The following NTRK2 variants were observed in gnomAD, a reference collection of about 807,000 sequenced individuals.
NTRK2 encodes neurotrophic receptor tyrosine kinase 2.
Under a neutral mutation model 94.5 loss-of-function variants are expected in NTRK2, and 13 were observed. The observed-to-expected ratio is 0.14, with a 90% CI of 0.09 to 0.22. The LOEUF is 0.22. Ranked by LOEUF, NTRK2 falls within the 10% of genes least tolerant of loss-of-function variation. NTRK2 has a pLI of 1.00. For synonymous variants in NTRK2, 372 were observed against 407.4 expected, an observed-to-expected ratio of 0.91 and a Z score of 1.05; for missense variants, 639 against 1,071.2, an observed-to-expected ratio of 0.60 and a Z score of 5.63.
intron 12 of NTRK2, among the ~76,000 whole-genome samples, chr9:84,797,694 AT>A (rs2069646027): frequency 1.2e-5 from 1 of 84,262 alleles, no homozygotes; most frequent in African/African-American, 5.1e-5. Flanking sequence ...TATAATATAT[AT>A]ATTATATATA....
intron 15 of NTRK2, among the ~76,000 whole-genome samples, chr9:84,942,706 T>G (rs576492509): frequency 6.6e-6 from 1 of 152,232 alleles, no homozygotes; most frequent in Non-Finnish European, 1.5e-5. Context: ...CAATGTATTA[T>G]TAATATAAAA....
chr9:84,863,526 C>T (rs991158041), intron 13 of NTRK2, among the ~76,000 whole-genome samples: 1 of 152,142 alleles, frequency 6.6e-6, no homozygotes, highest in Non-Finnish European at 1.5e-5. Context: ...TTTCATGGTG[C>T]CTGCTCAAAC....
intron 9 of NTRK2, among the ~76,000 whole-genome samples, chr9:84,729,591 C>T (rs1044057630): frequency 5.3e-5 from 8 of 152,298 alleles, no homozygotes; most frequent in African/African-American, 1.9e-4. Flanking sequence ...TAGTATAGAG[C>T]GTTCACAGCC....
At chr9:85,019,240 G>C (rs927052774) in intron 17 of NTRK2, among the ~76,000 whole-genome samples, 7 of 152,164 alleles carry the variant, frequency 4.6e-5, no homozygotes, top group Non-Finnish European at 8.8e-5. Context: ...TTGTTAGAGA[G>C]GTCCAATTTT....
chr9:84,847,832 T>C (rs2131850463), intron 12 of NTRK2, among the ~76,000 whole-genome samples: 1 of 152,320 alleles, frequency 6.6e-6, no homozygotes, highest in Middle Eastern at 3.4e-3. Flanking sequence ...AGGAGGTGGA[T>C]ACTGGTTGGC....
chr9:84,797,666 AT>A (rs1433332328), intron 12 of NTRK2, among the ~76,000 whole-genome samples: 3 of 82,960 alleles, frequency 3.6e-5, no homozygotes, highest in Non-Finnish European at 6.4e-5. Flanking sequence ...TATATTATAT[AT>A]TATATATTAT....
intron 17 of NTRK2, among the ~76,000 whole-genome samples, chr9:84,997,621 GA>G (rs1203985302): frequency 6.6e-6 from 1 of 152,190 alleles, no homozygotes; most frequent in African/African-American, 2.4e-5. Context: ...TGAACAAAAA[GA>G]GTGATTTCAG....
At chr9:84,699,652 C>T (rs2131655105) in intron 2 of NTRK2, among the ~76,000 whole-genome samples, 1 of 148,454 alleles carries the variant, frequency 6.7e-6, no homozygotes, top group African/African-American at 2.5e-5. Context: ...TAGAATTAAG[C>T]TTATGTGTGT....
intron 12 of NTRK2, among the ~76,000 whole-genome samples, chr9:84,819,454 C>G (rs932453256): frequency 3.8e-4 from 58 of 152,318 alleles, no homozygotes; most frequent in African/African-American, 1.3e-3. Flanking sequence ...TCAAAGACTG[C>G]TCTCAAGGCA....
intron 15 of NTRK2, among the ~76,000 whole-genome samples, chr9:84,945,661 T>A (rs1379743541): frequency 6.6e-6 from 1 of 152,194 alleles, no homozygotes; most frequent in Non-Finnish European, 1.5e-5. Flanking sequence ...ACAGGGGCCA[T>A]GTCAGGCCCA....
chr9:84,754,607 C>T (rs573544391), intron 12 of NTRK2, among the ~76,000 whole-genome samples: 75 of 152,194 alleles, frequency 4.9e-4, no homozygotes, highest in African/African-American at 1.8e-3. Flanking sequence ...ATTATGCTTC[C>T]GAAAATAACC....
At chr9:84,704,277 G>A (rs1384881051) in intron 4 of NTRK2, among the ~76,000 whole-genome samples, 1 of 127,680 alleles carries the variant, frequency 7.8e-6, no homozygotes, top group African/African-American at 3.0e-5. Context: ...CACCCAGGCT[G>A]GAGTGCAGTG....
At chr9:85,015,000 C>T (rs2133555508) in intron 17 of NTRK2, among the ~76,000 whole-genome samples, 1 of 152,274 alleles carries the variant, frequency 6.6e-6, no homozygotes, top group Admixed American at 6.5e-5. Flanking sequence ...GTGCCTCAGA[C>T]ATTGTTCTGA....
chr9:84,736,211 A>T (rs147653329), intron 9 of NTRK2, among the ~76,000 whole-genome samples: 1 of 152,324 alleles, frequency 6.6e-6, no homozygotes, highest in Non-Finnish European at 1.5e-5. Context: ...CTCATTCAGG[A>T]AGAATGTCAC....
At chr9:84,944,890 A>T (rs945250398) in intron 15 of NTRK2, among the ~76,000 whole-genome samples, 4 of 152,236 alleles carry the variant, frequency 2.6e-5, no homozygotes, top group Non-Finnish European at 5.9e-5. Flanking sequence ...ACTACCTTGC[A>T]TCATTATCCT....
Position 84,960,872 on chromosome 9 carries a change from C to A in NTRK2, c.2172+5355C>A, listed in dbSNP as rs544320983. 3.9e-5 allele frequency among the ~76,000 whole-genome samples: 6 copies of A among 152,226 alleles called. No individual in the cohort carries two copies. The South Asian group carries it at 1.2e-3, about 32-fold the overall frequency. On this transcript the variant is annotated intron_variant, in intron 17 of 18. Coordinates refer to ENST00000277120, the MANE Select transcript of NTRK2 (RefSeq NM_006180.6). ...CTGCAGAAACTGGCACAGGGCATGGCGCATATGAGGTGGTCAGTACATGAT... is the reference window on the plus strand; with the variant it reads ...CTGCAGAAACTGGCACAGGGCATGGAGCATATGAGGTGGTCAGTACATGAT...
Position 85,022,443 on chromosome 9 carries a change from A to G in NTRK2, c.*1006A>G, listed in dbSNP as rs1832829754. 4.3e-6 allele frequency: 1 copy of G among 233,078 alleles called. No individual in the cohort carries two copies. Among genetic ancestry groups the G allele is most frequent in the African/African-American group, 2.2e-5 (1 of 45,330 alleles). 14.4% of individuals were successfully genotyped at this position (233,078 alleles called of 1,614,324 possible). A position where few individuals can be genotyped will look rare whatever the true frequency, so the allele number is the denominator to read the frequency against. ...ACAGAACCTTTGTCAACTTCAGTTGAAAAGAGGTGGATTCATGTCCAGAGC... is the reference window on the plus strand; with the variant it reads ...ACAGAACCTTTGTCAACTTCAGTTGGAAAGAGGTGGATTCATGTCCAGAGC... On this transcript the variant is annotated 3_prime_UTR_variant, in exon 19 of 19. Transcript: ENST00000277120.
intron 12 of NTRK2, among the ~76,000 whole-genome samples, chr9:84,800,903 A>G (rs1163272990): frequency 6.6e-6 from 1 of 152,088 alleles, no homozygotes; most frequent in African/African-American, 2.4e-5. Flanking sequence ...CCACTCTTTC[A>G]GTTTGGGCCA....
intron 14 of NTRK2, among the ~76,000 whole-genome samples, chr9:84,922,852 GTTTGAAAGGT>G (rs2077612835): frequency 6.6e-6 from 1 of 152,152 alleles, no homozygotes; most frequent in Admixed American, 6.5e-5. Context: ...AAGTAGGTTG[GTTTGAAAGGT>G]TTTGAAAGTA....
Sources: allele counts gnomAD v4.1 joint callset (sites outside exome capture counted in the v4.1 genomes callset), GRCh38; gene constraint gnomAD v4.1.1; transcripts MANE v1.5; gene names NCBI Gene and HGNC (gene_info 2026-07-23, HGNC 2026-07-21).